Variants in PCSK5 observed in about 807,000 individuals in gnomAD.
PCSK5 encodes proprotein convertase subtilisin/kexin type 5.
In PCSK5, 129 loss-of-function variants were observed where a neutral mutation model predicts 233.2. The observed-to-expected ratio is 0.55, with a 90% CI of 0.48 to 0.64. PCSK5 has a LOEUF of 0.64. Ranked by LOEUF, PCSK5 falls within the 30% of genes least tolerant of loss-of-function variation. The pLI, the probability that PCSK5 is intolerant of heterozygous loss-of-function variation, is 0.00. For missense variants in PCSK5, 2,076 were observed against 2,430.1 expected, an observed-to-expected ratio of 0.85 and a Z score of 3.06; for synonymous variants, 825 against 879.2, an observed-to-expected ratio of 0.94 and a Z score of 1.09.
intron 20 of PCSK5, among the ~76,000 whole-genome samples, chr9:76,191,543 A>G (rs1824377318): frequency 6.6e-6 from 1 of 152,222 alleles, no homozygotes; most frequent in African/African-American, 2.4e-5. Context: ...GATTGATAGC[A>G]CTGATAGGAC....
chr9:76,186,558 C>T (rs1209054332), intron 17 of PCSK5, among the ~76,000 whole-genome samples: 4 of 152,154 alleles, frequency 2.6e-5, no homozygotes. Flanking sequence ...GCATTAGCCT[C>T]GCAGTACCTG....
rs146308075 is a variant in PCSK5 at position 76,307,194 on chromosome 9, C to T, written c.3605-1451C>T. 5.7e-3 allele frequency among the ~76,000 whole-genome samples: 861 copies of T among 152,236 alleles called. 10 individuals are homozygous for T. The highest frequency in any genetic ancestry group is 0.02 in the African/African-American group (822 of 41,530). On this transcript the variant is annotated intron_variant, in intron 28 of 37. Coordinates refer to ENST00000674117, the MANE Select transcript of PCSK5 (RefSeq NM_001372043.1). The stretch of plus-strand genomic sequence containing the variant: ...AGTTTAATTACCGTATCCATGGTTA[C>T]CCTACCCTTCGGCGGCATAGCTGGG...
Position 76,354,088 on chromosome 9 carries a change from C to A in PCSK5, c.5123C>A (p.Pro1708Gln), listed in dbSNP as rs1196331214. Residue 1708 changes from proline to glutamine, a missense_variant, in exon 37 of 38, where the codon CCA (proline) becomes CAA (glutamine). Transcript: ENST00000674117. ...GAGAGCTGCATGGAATGCAAGGGACCAGGGGCCAAGAACTGCACCTTGTGC... is the reference window on the plus strand; with the variant it reads ...GAGAGCTGCATGGAATGCAAGGGACAAGGGGCCAAGAACTGCACCTTGTGC... The part of the protein sequence containing the change: ...CHESCMECKG[P>Q]GAKNCTLCPA... The A allele has an allele frequency of 6.2e-7, 1 of 1,609,122 alleles. No individual in the cohort carries two copies. Among genetic ancestry groups the A allele is most frequent in the Non-Finnish European group, 8.5e-7 (1 of 1,178,418 alleles).
At chr9:76,186,761 A>G (rs1324443664) in intron 17 of PCSK5, among the ~76,000 whole-genome samples, 3 of 151,722 alleles carry the variant, frequency 2.0e-5, no homozygotes, top group African/African-American at 7.3e-5. Flanking sequence ...GGTGGTCCTT[A>G]TTTCCTCTCA....
intron 35 of PCSK5, among the ~76,000 whole-genome samples, chr9:76,341,018 C>T (rs1264418373): frequency 6.7e-6 from 1 of 150,092 alleles, no homozygotes; most frequent in Non-Finnish European, 1.5e-5. Flanking sequence ...AGTTCGAGAC[C>T]AGCCTGGGCA....
At chr9:76,256,068 G>A (rs769267742) in intron 24 of PCSK5, among the ~76,000 whole-genome samples, 46 of 152,096 alleles carry the variant, frequency 3.0e-4, no homozygotes, top group South Asian at 8.3e-4. Context: ...TGCAAAGGTT[G>A]GTCTGCTGCA....
chr9:75,995,715 TTGA>T (rs1290262131), intron 3 of PCSK5, among the ~76,000 whole-genome samples: 2 of 149,484 alleles, frequency 1.3e-5, no homozygotes, highest in African/African-American at 2.5e-5. Context: ...GTTGCAAATG[TTGA>T]TGATACTTTT....
intron 2 of PCSK5, among the ~76,000 whole-genome samples, chr9:75,981,692 A>G (rs1826284266): frequency 1.3e-5 from 2 of 152,008 alleles, no homozygotes; most frequent in African/African-American, 2.4e-5. Context: ...AGCTGGGACT[A>G]CAGGATCATG....
chr9:76,222,397 T>G, intron 20 of PCSK5, among the ~76,000 whole-genome samples: 1 of 152,218 alleles, frequency 6.6e-6, no homozygotes, highest in Admixed American at 6.5e-5. Context: ...TGTGTAGTTC[T>G]GTGGCATTAA....
chr9:76,096,179 A>G (rs895875852), intron 8 of PCSK5, 77 bp downstream of exon 8: 4 of 581,926 alleles, frequency 6.9e-6, no homozygotes, highest in African/African-American at 2.2e-5. Context: ...AACCATAAAC[A>G]TATATATATA....
intron 20 of PCSK5, among the ~76,000 whole-genome samples, chr9:76,203,945 G>C (rs1825012310): frequency 6.6e-6 from 1 of 152,072 alleles, no homozygotes; most frequent in Admixed American, 6.6e-5. Context: ...TAACTTCTCT[G>C]TGCCCCTGCT....
intron 36 of PCSK5, among the ~76,000 whole-genome samples, chr9:76,351,534 AAG>A (rs1830157932): frequency 7.6e-6 from 1 of 131,290 alleles, no homozygotes; most frequent in African/African-American, 2.9e-5. Flanking sequence ...GAAAGAAAGG[AAG>A]GAAAGAAAGA....
intron 31 of PCSK5, 36 bp from the exon 32 acceptor site, chr9:76,323,016 C>A (rs746054686): frequency 2.5e-6 from 3 of 1,187,936 alleles, no homozygotes; most frequent in African/African-American, 3.0e-5. Flanking sequence ...TTCTCCTACC[C>A]CCCGGGGATA....
chr9:76,292,309 T>G (rs1343627313), intron 25 of PCSK5, 34 bp downstream of exon 25: 20 of 1,373,524 alleles, frequency 1.5e-5, no homozygotes, highest in Non-Finnish European at 2.1e-5. Flanking sequence ...GGCACTAACT[T>G]TTCTGCAGTT....
intron 3 of PCSK5, among the ~76,000 whole-genome samples, chr9:76,009,144 A>T (rs927961048): frequency 2.0e-5 from 3 of 152,196 alleles, no homozygotes; most frequent in South Asian, 2.1e-4. Flanking sequence ...AGCAAAAAGC[A>T]TGCGCAAAAT....
rs1384604074 is a variant in PCSK5, at chr9:76,239,128, C to T, written c.3036C>T (p.Pro1012=). The T allele has an allele frequency of 1.3e-6, 2 of 1,595,898 alleles. No individual in the cohort carries two copies. Among genetic ancestry groups the T allele is most frequent in the East Asian group, 2.3e-5 (1 of 43,986 alleles). The change falls in exon 23 of 38, where the codon CCC becomes CCT. Residue 1012 remains proline (P), a synonymous_variant. Coordinates refer to ENST00000674117, the MANE Select transcript of PCSK5 (RefSeq NM_001372043.1). Reference sequence around the variant, plus strand: ...GCATGAAGGGCTACTTCATAGCGCCCACCAACCACACATGCCAGAAGTTAG... The same window carrying T: ...GCATGAAGGGCTACTTCATAGCGCCTACCAACCACACATGCCAGAAGTTAG... ...TRCMKGYFIA[P]TNHTCQKLEC... is the part of the protein sequence containing the mutation.
intron 2 of PCSK5, among the ~76,000 whole-genome samples, chr9:75,961,329 T>C (rs2131344117): frequency 6.6e-6 from 1 of 152,342 alleles, no homozygotes; most frequent in East Asian, 1.9e-4. Flanking sequence ...TTTCAGTCAA[T>C]TGGTGCCAAG....
chr9:76,071,619 G>C, intron 6 of PCSK5, 107 bp from the exon 7 acceptor site: 2 of 900,414 alleles, frequency 2.2e-6, no homozygotes, highest in Non-Finnish European at 1.7e-6. Flanking sequence ...GCTCACTTAA[G>C]TGTTGATTAA....
chr9:76,145,436 C>CATGATT, intron 10 of PCSK5, among the ~76,000 whole-genome samples: 1 of 152,218 alleles, frequency 6.6e-6, no homozygotes, highest in South Asian at 2.1e-4. Flanking sequence ...TGAAGTCTTC[C>CATGATT]ATGATTATCG....
Sources: gnomAD v4.1 joint callset for allele counts (sites outside exome capture counted in the v4.1 genomes callset) on GRCh38, gnomAD v4.1.1 for gene constraint, MANE v1.5 for transcripts, NCBI Gene and HGNC (gene_info 2026-07-23, HGNC 2026-07-21) for gene names.